DAPL1: variants seen among roughly 807,000 people sequenced by gnomAD.
DAPL1 encodes death-associated protein-like 1.
In DAPL1, 17 loss-of-function variants were observed where a neutral mutation model predicts 12.9. The observed-to-expected ratio is 1.32, with a 90% CI of 0.90 to 1.98. DAPL1 has a LOEUF of 1.98. Among genes scored for constraint, DAPL1 ranks in the 30% most tolerant of loss-of-function variants. The pLI, the probability that DAPL1 is intolerant of heterozygous loss-of-function variation, is 0.00. For synonymous variants in DAPL1, 51 were observed against 42.0 expected (o/e 1.21, Z -0.82); for missense variants, 157 against 125.7 (o/e 1.25, Z -1.19).
At chr2:158,811,701 T>G (rs2059231415) in intron 3 of DAPL1, among the ~76,000 whole-genome samples, 1 of 152,220 alleles carries the variant, frequency 6.6e-6, no homozygotes, top group African/African-American at 2.4e-5. Flanking sequence ...ATACTGGCTT[T>G]GAATTCTTTC....
At chr2:158,812,653 A>T (rs2059237177) in intron 3 of DAPL1, among the ~76,000 whole-genome samples, 1 of 152,058 alleles carries the variant, frequency 6.6e-6, no homozygotes, top group Non-Finnish European at 1.5e-5. Flanking sequence ...AAATTAGACC[A>T]GCATGGTGGC....
chr2:158,815,568 G>T (rs1275047827), intron 3 of DAPL1, 137 bp from the exon 4 acceptor site: 1 of 689,154 alleles, frequency 1.5e-6, no homozygotes, highest in Non-Finnish European at 2.6e-6. Context: ...AAATAGTATG[G>T]AAAAAAAGAG....
intron 1 of DAPL1, among the ~76,000 whole-genome samples, chr2:158,797,839 A>G (rs1575223540): frequency 6.6e-6 from 1 of 151,950 alleles, no homozygotes; most frequent in South Asian, 2.1e-4. Flanking sequence ...TCTCTTTCCT[A>G]CCTATCTATG....
intron 3 of DAPL1, among the ~76,000 whole-genome samples, chr2:158,813,878 C>T (rs372801567): frequency 6.6e-6 from 1 of 152,072 alleles, no homozygotes; most frequent in Non-Finnish European, 1.5e-5. Flanking sequence ...CTTTTCCTAC[C>T]TCCACCCATC....
chr2:158,807,991 T>G (rs969734855), intron 3 of DAPL1, among the ~76,000 whole-genome samples: 1 of 152,198 alleles, frequency 6.6e-6, no homozygotes. Flanking sequence ...CTCAGAAAAC[T>G]CTTACCAAGT....
At position 158,815,697 on chromosome 2, in the gene DAPL1, A is replaced by ACCTT. The variant is rs753803997; in HGVS notation, c.208-7_208-4dup. ...TATGCCTATTTTTTCTTCCCTTCTC[A>ACCTT]CCTTTAGCTCAACTATAAATTTCCA... is the stretch of plus-strand genomic sequence containing the variant. On this transcript the variant is annotated splice_polypyrimidine_tract_variant and splice_region_variant and intron_variant, in intron 3 of 3. Transcript: ENST00000309950. 256 of 1,584,158 alleles carry ACCTT rather than the reference A, an allele frequency of 1.6e-4. 1 individual carries two copies. In the African/African-American group the frequency reaches 3.2e-3, roughly 20 times the overall value.
In DAPL1 at chr2:158,795,417, A is replaced by G. The variant is rs147462621; in HGVS notation, c.45A>G (p.Gly15=). ...VQDLLSPRKG[G]HPPAVKAGGM... ...ACCTGCTCTCCCCTCGGAAAGGGGG[A>G]CATCCTCCTGCAGGTAGGCTGCCAC... Residue 15 remains glycine (G), a synonymous_variant, in exon 1 of 4, where the codon GGA becomes GGG. Coordinates refer to ENST00000309950, the MANE Select transcript of DAPL1 (RefSeq NM_001017920.3). The G allele has an allele frequency of 3.9e-6, 6 of 1,555,068 alleles. No individual in the cohort carries two copies. Among genetic ancestry groups the G allele is most frequent in the Non-Finnish European group, 5.2e-6 (6 of 1,149,052 alleles).
At chr2:158,802,054 C>A (rs892989111) in intron 1 of DAPL1, among the ~76,000 whole-genome samples, 1 of 152,132 alleles carries the variant, frequency 6.6e-6, no homozygotes, top group Non-Finnish European at 1.5e-5. Context: ...CAGTGATATA[C>A]CTTTATCTAT....
At chr2:158,808,829 C>T (rs1447133952) in intron 3 of DAPL1, among the ~76,000 whole-genome samples, 2 of 152,010 alleles carry the variant, frequency 1.3e-5, no homozygotes, top group African/African-American at 4.8e-5. Flanking sequence ...TTTGTTAACT[C>T]GAAATAAAGT....
intron 2 of DAPL1, among the ~76,000 whole-genome samples, chr2:158,805,830 A>T (rs1296044872): frequency 6.7e-6 from 1 of 148,798 alleles, no homozygotes; most frequent in Non-Finnish European, 1.5e-5. Flanking sequence ...CTTTTACAGA[A>T]CTTAAACAGC....
chr2:158,803,336 G>GT (rs2059179630), intron 1 of DAPL1, among the ~76,000 whole-genome samples: 1 of 152,210 alleles, frequency 6.6e-6, no homozygotes, highest in Non-Finnish European at 1.5e-5. Context: ...CAATGATGAA[G>GT]TCAGTTGACA....
chr2:158,803,628 C>T (rs763784462), intron 1 of DAPL1, among the ~76,000 whole-genome samples: 20 of 152,194 alleles, frequency 1.3e-4, no homozygotes, highest in Non-Finnish European at 2.4e-4. Flanking sequence ...GCTGTTAGGT[C>T]ATCTGTAGCC....
rs777437870 is a variant in DAPL1, at chr2:158,795,369, C to T, written c.-4C>T. ...CAGCACTGGCACTGGCACTGGCACA[C>T]GCTATGGCAAATGAAGTGCAAGACC... On this transcript the variant is annotated 5_prime_UTR_variant, in exon 1 of 4. The change creates a new upstream start codon in the 5' untranslated region. Transcript: ENST00000309950. 93 of 1,554,346 alleles carry T rather than the reference C, an allele frequency of 6.0e-5. No homozygotes were observed. The highest frequency in any genetic ancestry group is 5.1e-4 in the East Asian group (21 of 41,184).
intron 2 of DAPL1, among the ~76,000 whole-genome samples, 162 bp from the exon 3 acceptor site, chr2:158,806,893 G>A (rs965983181): frequency 6.6e-6 from 1 of 151,938 alleles, no homozygotes. Flanking sequence ...AGCTTGTTGT[G>A]TGTAGCACAT....
intron 3 of DAPL1, among the ~76,000 whole-genome samples, chr2:158,810,406 C>G (rs544330141): frequency 6.6e-6 from 1 of 152,218 alleles, no homozygotes; most frequent in East Asian, 1.9e-4. Flanking sequence ...GTCCCAAGAA[C>G]CCATGTTATT....
chr2:158,804,685 T>C (rs2059190579), intron 2 of DAPL1, among the ~76,000 whole-genome samples: 1 of 152,264 alleles, frequency 6.6e-6, no homozygotes, highest in South Asian at 2.1e-4. Context: ...CACATCCTTT[T>C]ATCCTATTTT....
At position 158,804,988 on chromosome 2, in the gene DAPL1, G is replaced by C. The variant is rs189579543; in HGVS notation, c.146+619G>C. Among the ~76,000 whole-genome samples the C allele has an allele frequency of 3.4e-3, 518 of 152,216 alleles. 5 individuals are homozygous for C. Among genetic ancestry groups the C allele is most frequent in the African/African-American group, 0.012 (487 of 41,530 alleles). On this transcript the variant is annotated intron_variant, in intron 2 of 3. Transcript: ENST00000309950. Reference sequence around the variant, plus strand: ...AATGGCCCAACCAGTCTAGGCCTTGGGTAAGGAAAACCAGAGCATTCCAAA... The same window carrying C: ...AATGGCCCAACCAGTCTAGGCCTTGCGTAAGGAAAACCAGAGCATTCCAAA...
intron 1 of DAPL1, among the ~76,000 whole-genome samples, chr2:158,798,389 A>C (rs1286164035): frequency 6.6e-6 from 1 of 152,222 alleles, no homozygotes; most frequent in Non-Finnish European, 1.5e-5. Context: ...TGCTCAAGTC[A>C]ACTTGGGGGC....
intron 3 of DAPL1, among the ~76,000 whole-genome samples, chr2:158,811,431 G>A (rs1164647310): frequency 5.9e-5 from 9 of 152,182 alleles, no homozygotes; most frequent in Non-Finnish European, 2.9e-5. Flanking sequence ...CTGCCAGTCT[G>A]CTAATACTAC....
Sources: gnomAD v4.1 joint callset for allele counts (sites outside exome capture counted in the v4.1 genomes callset) on GRCh38, gnomAD v4.1.1 for gene constraint, MANE v1.5 for transcripts, NCBI Gene and HGNC (gene_info 2026-07-23, HGNC 2026-07-21) for gene names.